Variants in FAXDC2 observed in about 807,000 individuals in gnomAD.
FAXDC2 encodes fatty acid hydroxylase domain containing 2.
Under a neutral mutation model 40.9 loss-of-function variants are expected in FAXDC2, and 41 were observed. The observed-to-expected ratio is 1.00, with a 90% CI of 0.78 to 1.30. The LOEUF is 1.30. Ranked by LOEUF, FAXDC2 falls within the 50% of genes most tolerant of loss-of-function variation. The pLI is 0.00. For missense variants in FAXDC2, 390 were observed against 408.8 expected (o/e 0.95, Z 0.40); for synonymous variants, 157 against 149.3 (o/e 1.05, Z -0.38).
chr5:154,835,409 G>A lies in FAXDC2; in HGVS notation c.49-475C>T, dbSNP rs74587161. The stretch of plus-strand genomic sequence containing the variant: ...TGGGCTCCCCAGTTAATTCCAATGG[G>A]CAGGCAAGGTTGAGATAGTCATCAT... On this transcript the variant is annotated intron_variant, in intron 2 of 8. Coordinates refer to ENST00000326080, the MANE Select transcript of FAXDC2 (RefSeq NM_032385.5). 517 of 162,322 alleles carry A rather than the reference G, an allele frequency of 3.2e-3. 2 individuals are homozygous for A. The highest frequency in any genetic ancestry group is 0.012 in the African/African-American group (487 of 41,630). 10.1% of individuals were successfully genotyped at this position (162,322 alleles called of 1,614,324 possible). A position where few individuals can be genotyped will look rare whatever the true frequency, so the allele number is the denominator to read the frequency against.
intron 1 of FAXDC2, among the ~76,000 whole-genome samples, chr5:154,846,822 A>G (rs1313119628): frequency 2.6e-5 from 4 of 151,676 alleles, no homozygotes; most frequent in African/African-American, 9.7e-5. Context: ...GAGTGCAATG[A>G]CCCAATCATG....
intron 4 of FAXDC2, among the ~76,000 whole-genome samples, chr5:154,832,047 T>C (rs1760205501): frequency 6.6e-6 from 1 of 152,134 alleles, no homozygotes; most frequent in Non-Finnish European, 1.5e-5. Context: ...GATTTAAAAA[T>C]AGTTGGTATC....
chr5:154,844,738 A>G (rs1211919177), intron 1 of FAXDC2, among the ~76,000 whole-genome samples: 1 of 152,232 alleles, frequency 6.6e-6, no homozygotes, highest in Non-Finnish European at 1.5e-5. Context: ...TATTGAAATT[A>G]AAAACAAAAA....
chr5:154,842,545 CAG>C (rs1262981281), intron 1 of FAXDC2, among the ~76,000 whole-genome samples: 1 of 72,736 alleles, frequency 1.4e-5, no homozygotes, highest in Non-Finnish European at 2.5e-5. Flanking sequence ...TTTTTTGAGA[CAG>C]AGTCTCACTC....
At chr5:154,827,500 C>T (rs1237517992) in intron 5 of FAXDC2, among the ~76,000 whole-genome samples, 1 of 142,266 alleles carries the variant, frequency 7.0e-6, no homozygotes, top group Admixed American at 7.1e-5. Context: ...ACTCTGTCAC[C>T]CAGGCTGGAG....
rs1422227215 is a variant in FAXDC2, at chr5:154,819,011, T to C, written c.*1305A>G. On this transcript the variant is annotated 3_prime_UTR_variant, in exon 9 of 9. Transcript: ENST00000326080. ...GTGCTCAGCTGGCCTACTGGGCAAG[T>C]CCTCTGGGGTTCTAGAGCTGATAGG... 2 of 152,230 alleles carry C rather than the reference T, an allele frequency of 1.3e-5. No individual in the cohort carries two copies. Among genetic ancestry groups the C allele is most frequent in the East Asian group, 3.8e-4 (2 of 5,196 alleles). The allele number at this position is 152,230 out of a possible 1,614,324, so 9.4% of individuals were successfully genotyped here.
chr5:154,839,889 C>G (rs1479844017), intron 1 of FAXDC2, among the ~76,000 whole-genome samples: 2 of 152,208 alleles, frequency 1.3e-5, no homozygotes, highest in Admixed American at 1.3e-4. Context: ...GACCCAACCA[C>G]AGCACTCAAG....
At chr5:154,838,066 G>T in intron 2 of FAXDC2, 65 bp downstream of exon 2, 2 of 1,046,198 alleles carry the variant, frequency 1.9e-6, no homozygotes, top group Non-Finnish European at 3.0e-6. Flanking sequence ...CATAGCAAGT[G>T]CAGCTATGGC....
chr5:154,825,823 A>T (rs1044018204), intron 5 of FAXDC2, among the ~76,000 whole-genome samples: 2 of 152,010 alleles, frequency 1.3e-5, no homozygotes, highest in Non-Finnish European at 2.9e-5. Flanking sequence ...TGAAGGAAAG[A>T]GAGTAGTCAA....
Position 154,842,712 on chromosome 5 carries a change from AG to A in FAXDC2, c.1-4535del, listed in dbSNP as rs764016900. 7.7e-4 allele frequency among the ~76,000 whole-genome samples: 112 copies of A among 145,828 alleles called. 1 individual carries two copies. In the Middle Eastern group the frequency reaches 0.016, roughly 20 times the overall value. On this transcript the variant is annotated intron_variant, in intron 1 of 8. Transcript: ENST00000326080. ...TAATTTTTGTATTTTTTTTTTTTTA[AG>A]TAGAGATGGGGTTTCACCATTTTGG...
At chr5:154,830,059 C>T (rs76081006) in intron 5 of FAXDC2, among the ~76,000 whole-genome samples, 3,939 of 152,262 alleles carry the variant, frequency 0.026, 162 homozygotes, top group African/African-American at 0.091. Context: ...GGTGGTTCAC[C>T]CAGACACCTG....
intron 4 of FAXDC2, among the ~76,000 whole-genome samples, chr5:154,832,758 C>T (rs1760225826): frequency 6.6e-6 from 1 of 152,140 alleles, no homozygotes; most frequent in South Asian, 2.1e-4. Context: ...TTGTACCTAA[C>T]ATATATAAAA....
rs372643490 is a variant in FAXDC2, at chr5:154,834,734, A to G, written c.141-6T>C. 18 of 1,612,590 alleles carry G rather than the reference A, an allele frequency of 1.1e-5. No individual in the cohort carries two copies. The highest frequency in any genetic ancestry group is 8.0e-5 in the African/African-American group (6 of 74,788). On this transcript the variant is annotated splice_region_variant and splice_polypyrimidine_tract_variant and intron_variant, in intron 3 of 8. Transcript: ENST00000326080. Reference sequence around the variant, plus strand: ...CCCAAAATCTCTGAAGATGCCTTGGAAAAAAAACCAGGTTTCTGGGTGAAG... The same window carrying G: ...CCCAAAATCTCTGAAGATGCCTTGGGAAAAAAACCAGGTTTCTGGGTGAAG...
chr5:154,837,096 T>C (rs560207406), intron 2 of FAXDC2, among the ~76,000 whole-genome samples: 52 of 152,218 alleles, frequency 3.4e-4, no homozygotes, highest in Admixed American at 5.2e-4. Context: ...ATCCCACTTC[T>C]GATCAAAAGA....
At chr5:154,839,936 T>C (rs1760439788) in intron 1 of FAXDC2, among the ~76,000 whole-genome samples, 1 of 152,114 alleles carries the variant, frequency 6.6e-6, no homozygotes, top group Non-Finnish European at 1.5e-5. Context: ...GCACATGTTA[T>C]CCCACTGGCC....
At chr5:154,849,708 C>G (rs1452044412) in intron 1 of FAXDC2, among the ~76,000 whole-genome samples, 1 of 152,184 alleles carries the variant, frequency 6.6e-6, no homozygotes, top group Non-Finnish European at 1.5e-5. Flanking sequence ...ATATCCCACT[C>G]AAAGAAATTT....
At chr5:154,834,075 ATATT>A (rs1239944312) in intron 4 of FAXDC2, among the ~76,000 whole-genome samples, 5 of 148,542 alleles carry the variant, frequency 3.4e-5, no homozygotes, top group Non-Finnish European at 5.9e-5. Context: ...TATATAATAT[ATATT>A]AAATAAATTG....
rs1195184471 is a variant in FAXDC2, at chr5:154,834,676, C to T, written c.193G>A (p.Glu65Lys). The change falls in exon 4 of 9, where the codon GAG (glutamate) becomes AAG (lysine). Residue 65 changes from glutamate to lysine, a missense_variant. Glu to Lys is a moderately conservative substitution (Grantham distance 56). Transcript: ENST00000326080. ...CCTTCAAATGTAGTCAGCAGCCTCT[C>T]CCACTGGGCTTGCCAAAAGTAGCCA... ...ASGYFWQAQW[E>K]RLLTTFEGKE... The T allele has an allele frequency of 6.2e-7, 1 of 1,613,288 alleles. No homozygotes were observed. Among genetic ancestry groups the T allele is most frequent in the East Asian group, 2.2e-5 (1 of 44,880 alleles).
chr5:154,825,141 G>A (rs754090171), intron 5 of FAXDC2, among the ~76,000 whole-genome samples: 5 of 151,680 alleles, frequency 3.3e-5, no homozygotes, highest in Non-Finnish European at 2.9e-5. Context: ...AAGGTGGGCA[G>A]GTTATGAGGT....
Sources: gnomAD v4.1 joint callset for allele counts (sites outside exome capture counted in the v4.1 genomes callset) on GRCh38, gnomAD v4.1.1 for gene constraint, MANE v1.5 for transcripts, NCBI Gene and HGNC (gene_info 2026-07-23, HGNC 2026-07-21) for gene names.